The following CLUL1 variants were observed in gnomAD, a reference collection of about 807,000 sequenced individuals.
CLUL1 encodes the protein clusterin like 1.
In CLUL1, 43 loss-of-function variants were observed where a neutral mutation model predicts 49.4. That is an observed-to-expected ratio of 0.87 (90% confidence interval 0.68 to 1.12). CLUL1 has a LOEUF of 1.12. CLUL1 is among the 50% of genes most tolerant of loss of function. The pLI is 0.00. For missense variants in CLUL1, 486 were observed against 544.4 expected (o/e 0.89, Z 1.07); for synonymous variants, 192 against 184.9 (o/e 1.04, Z -0.31).
intron 2 of CLUL1, among the ~76,000 whole-genome samples, chr18:610,390 G>A (rs1484084608): frequency 3.3e-5 from 5 of 152,128 alleles, no homozygotes; most frequent in African/African-American, 1.2e-4. Context: ...AGACAGAGAA[G>A]TCTGGGATGA....
At chr18:624,190 G>A (rs2073601491) in intron 4 of CLUL1, among the ~76,000 whole-genome samples, 1 of 152,066 alleles carries the variant, frequency 6.6e-6, no homozygotes, top group Non-Finnish European at 1.5e-5. Flanking sequence ...AGTACAGCAA[G>A]CACCACAAGG....
At chr18:603,476 G>T (rs1222122283) in intron 1 of CLUL1, among the ~76,000 whole-genome samples, 1 of 151,612 alleles carries the variant, frequency 6.6e-6, no homozygotes, top group Non-Finnish European at 1.5e-5. Context: ...AATTTTTTTT[G>T]AAATAATGAT....
At chr18:612,507 G>A (rs1268153141) in intron 2 of CLUL1, among the ~76,000 whole-genome samples, 2 of 152,176 alleles carry the variant, frequency 1.3e-5, no homozygotes, top group Non-Finnish European at 2.9e-5. Flanking sequence ...TTGCCATCTT[G>A]AAACTCTTAA....
Position 650,099 on chromosome 18 carries a change from C to T in CLUL1, c.*198C>T. On this transcript the variant is annotated 3_prime_UTR_variant, in exon 10 of 10. Coordinates refer to ENST00000692774, the MANE Select transcript of CLUL1 (RefSeq NM_001393344.1). ...TCAAATTGAGTTAAAATGAAAATTCCTCCTTAAAAAATCAAACGTAATATG... is the reference window on the plus strand; with the variant it reads ...TCAAATTGAGTTAAAATGAAAATTCTTCCTTAAAAAATCAAACGTAATATG... The T allele has an allele frequency of 2.3e-6, 1 of 434,934 alleles. No individual in the cohort carries two copies. Among genetic ancestry groups the T allele is most frequent in the Admixed American group, 4.2e-5 (1 of 23,902 alleles). 26.9% of individuals were successfully genotyped at this position (434,934 alleles called of 1,614,324 possible).
intron 2 of CLUL1, among the ~76,000 whole-genome samples, chr18:615,859 C>T (rs1335320941): frequency 1.3e-5 from 2 of 152,192 alleles, no homozygotes; most frequent in Admixed American, 6.5e-5. Flanking sequence ...GAATGTGTGT[C>T]ACTCTCTGTG....
chr18:600,323 T>A lies in CLUL1; in HGVS notation c.-136+3194T>A, dbSNP rs533247507. ...GTTTCTCACTGTAATGGAGTTTATC[T>A]GGCTCAAGACCAGGACATTTATTGC... On this transcript the variant is annotated intron_variant, in intron 1 of 9. Coordinates refer to ENST00000692774, the MANE Select transcript of CLUL1 (RefSeq NM_001393344.1). 6.6e-4 allele frequency among the ~76,000 whole-genome samples: 101 copies of A among 152,338 alleles called. 1 individual carries two copies. The highest frequency in any genetic ancestry group is 2.4e-3 in the African/African-American group (99 of 41,574).
intron 2 of CLUL1, among the ~76,000 whole-genome samples, chr18:608,179 C>G (rs12958499): frequency 0.19 from 28,820 of 151,946 alleles, 3,453 homozygotes; most frequent in African/African-American, 0.33. Context: ...GGAGGTTGAC[C>G]CTGAGTTGGC....
intron 2 of CLUL1, chr18:613,147 AT>A (rs57445442): frequency 1 from 425,856 of 427,426 alleles, 212,166 homozygotes; most frequent in East Asian, 1. Flanking sequence ...ATTTTATTGT[AT>A]TTTTTTTGAG....
intron 9 of CLUL1, among the ~76,000 whole-genome samples, chr18:648,976 T>A (rs1368445598): frequency 6.6e-6 from 1 of 152,204 alleles, no homozygotes; most frequent in East Asian, 1.9e-4. Flanking sequence ...ATTTTTAAAA[T>A]CTTCAGTAAT....
At chr18:615,420 C>T (rs754820191) in intron 2 of CLUL1, among the ~76,000 whole-genome samples, 1 of 152,180 alleles carries the variant, frequency 6.6e-6, no homozygotes, top group Non-Finnish European at 1.5e-5. Context: ...GTTTTGCTTC[C>T]TGAAAACTGG....
chr18:630,746 G>A (rs1382679354), intron 6 of CLUL1, among the ~76,000 whole-genome samples: 2 of 128,398 alleles, frequency 1.6e-5, no homozygotes, highest in Admixed American at 9.4e-5. Flanking sequence ...GAGTGCAGTG[G>A]TGCGATCTTG....
In CLUL1 at chr18:627,231, G is replaced by A. The variant is rs2073835618; in HGVS notation, c.558G>A (p.Gln186=). 6.2e-7 allele frequency: 1 copy of A among 1,613,896 alleles called. No individual in the cohort carries two copies. Among genetic ancestry groups the A allele is most frequent in the East Asian group, 2.2e-5 (1 of 44,846 alleles). The stretch of plus-strand genomic sequence containing the variant: ...CCCAAATGGAGGATGTGTTCAGCCA[G>A]TTGACTGTGGATGTGAATTCTCTCT... ...QLTQMEDVFS[Q]LTVDVNSLFN... is the part of the protein sequence containing the mutation. The change falls in exon 6 of 10, where the codon CAG becomes CAA. Residue 186 remains glutamine, a synonymous_variant. Transcript: ENST00000692774.
rs2144041894 is a variant in CLUL1, at chr18:624,929, A to T, written c.320A>T (p.Glu107Val). The part of the protein sequence containing the change: ...HLEEEERLCR[E>V]SLADSWGECR... ...GAGGAAGAAGAAAGGCTATGCCGGG[A>T]GTCTTTGGCAGATTCCTGGGGTGAA... The change falls in exon 5 of 10, where the codon GAG becomes GTG. Residue 107 changes from glutamate to valine, a missense_variant. Glu to Val is a moderately radical substitution (Grantham distance 121). Coordinates refer to ENST00000692774, the MANE Select transcript of CLUL1 (RefSeq NM_001393344.1). The T allele has an allele frequency of 6.2e-7, 1 of 1,614,154 alleles. No homozygotes were observed. The highest frequency in any genetic ancestry group is 1.1e-5 in the South Asian group (1 of 91,078).
intron 2 of CLUL1, among the ~76,000 whole-genome samples, chr18:609,724 C>T (rs145257341): frequency 0.012 from 1,822 of 150,694 alleles, 32 homozygotes; most frequent in African/African-American, 0.042. Flanking sequence ...CTCGGGAGGC[C>T]GAGGCAGGAG....
intron 2 of CLUL1, among the ~76,000 whole-genome samples, chr18:610,324 C>T (rs549163031): frequency 2.6e-5 from 4 of 152,260 alleles, no homozygotes; most frequent in East Asian, 1.9e-4. Flanking sequence ...TTATAATGCA[C>T]GGGCCCAGAT....
chr18:610,085 T>TATC (rs78699345), intron 2 of CLUL1, among the ~76,000 whole-genome samples: 63,553 of 151,788 alleles, frequency 0.42, 13,874 homozygotes, highest in African/African-American at 0.46. Flanking sequence ...TCCTCTATGT[T>TATC]ATCAAATACT....
At chr18:603,106 A>G (rs988845422) in intron 1 of CLUL1, among the ~76,000 whole-genome samples, 6 of 152,226 alleles carry the variant, frequency 3.9e-5, no homozygotes, top group African/African-American at 1.4e-4. Flanking sequence ...GTATGGGTAT[A>G]CCATGAAAGA....
At position 627,509 on chromosome 18, in the gene CLUL1, A is replaced by T; in HGVS notation, c.836A>T (p.Asp279Val). The T allele has an allele frequency of 1.9e-6, 3 of 1,607,836 alleles. No homozygotes were observed. Among genetic ancestry groups the T allele is most frequent in the Non-Finnish European group, 2.6e-6 (3 of 1,175,956 alleles). The change falls in exon 6 of 10, where the codon GAT (aspartate) becomes GTT (valine). Residue 279 changes from aspartate (D) to valine (V), a missense_variant. By Grantham distance (152) the Asp-to-Val change is radical. Coordinates refer to ENST00000692774, the MANE Select transcript of CLUL1 (RefSeq NM_001393344.1). ...TITKMLKAIE[D>V]LPKQDKAPDH... ...ACTAAGATGCTGAAGGCAATAGAAG[A>T]TTTACCAAAACAAGACAAAGGCAAG...
rs751122459 is a variant in CLUL1 at position 649,943 on chromosome 18, CTT to C, written c.*43_*44del. On this transcript the variant is annotated 3_prime_UTR_variant, in exon 10 of 10. Transcript: ENST00000692774. ...CTATATCCAGTAAGTAGAATTATCT[CTT>C]CATCTGGGACCTGGAAATCCTGAAA... 1.1e-4 allele frequency: 132 copies of C among 1,247,738 alleles called. No homozygotes were observed. In the East Asian group the frequency reaches 1.6e-3, roughly 15 times the overall value. The allele number at this position is 1,247,738 out of a possible 1,614,324, so 77.3% of individuals were successfully genotyped here. A position where few individuals can be genotyped will look rare whatever the true frequency, so the allele number is the denominator to read the frequency against.
Sources: allele counts gnomAD v4.1 joint callset (sites outside exome capture counted in the v4.1 genomes callset), GRCh38; gene constraint gnomAD v4.1.1; transcripts MANE v1.5; gene names NCBI Gene and HGNC (gene_info 2026-07-23, HGNC 2026-07-21).